Variants in EVA1C observed in about 807,000 individuals in gnomAD.
EVA1C encodes eva-1 homolog C, also known as protein eva-1 homolog C.
Under a neutral mutation model 45.4 loss-of-function variants are expected in EVA1C, and 25 were observed. That is an observed-to-expected ratio of 0.55 (90% CI 0.40 to 0.77). The LOEUF is 0.77. EVA1C is among the 30% of genes least tolerant of loss of function. The pLI, the probability that EVA1C is intolerant of heterozygous loss-of-function variation, is 0.00. For missense variants in EVA1C, 479 were observed against 554.8 expected (o/e 0.86, Z 1.37); for synonymous variants, 190 against 221.2 (o/e 0.86, Z 1.25).
chr21:32,492,495 G>A (rs2833851), intron 4 of EVA1C, among the ~76,000 whole-genome samples: 67,275 of 151,630 alleles, frequency 0.44, 15,560 homozygotes, highest in East Asian at 0.55. Context: ...TTAGAGGGTA[G>A]AGGAGTTTGT....
chr21:32,502,685 GA>G (rs1291900238), intron 6 of EVA1C, among the ~76,000 whole-genome samples: 1 of 152,198 alleles, frequency 6.6e-6, no homozygotes, highest in Non-Finnish European at 1.5e-5. Flanking sequence ...AAAGCTCAAA[GA>G]AAACTATTGG....
intron 7 of EVA1C, among the ~76,000 whole-genome samples, chr21:32,511,419 C>CAAAAAAA (rs749141703): frequency 1.1e-4 from 5 of 47,538 alleles, no homozygotes; most frequent in Admixed American, 2.9e-4. Flanking sequence ...AACTCCGTCT[C>CAAAAAAA]AAAAAAAAAA....
chr21:32,412,929 G>C lies in EVA1C; in HGVS notation c.76G>C (p.Glu26Gln). The C allele has an allele frequency of 1.3e-6, 2 of 1,531,924 alleles. No homozygotes were observed. The highest frequency in any genetic ancestry group is 1.8e-6 in the Non-Finnish European group (2 of 1,141,582). 94.9% of individuals were successfully genotyped at this position (1,531,924 alleles called of 1,614,324 possible). ...GCATCCCGGCCTCCGCCGGCAGGTA[G>C]AGCCGCCGGGGCAGCTCCTGCGCCT... ...VQHPGLRRQV[E>Q]PPGQLLRLFY... Residue 26 changes from glutamate to glutamine, a missense_variant, in exon 1 of 8, where the codon GAG becomes CAG. This residue lies in a region of EVA1C where 80 missense variants were observed against 63.8 expected (regional missense o/e 1.25). Transcript: ENST00000300255.
chr21:32,452,167 G>T lies in EVA1C; in HGVS notation c.161-1145G>T, dbSNP rs1442847309. 1.3e-5 allele frequency: 2 copies of T among 152,254 alleles called. No homozygotes were observed. Among genetic ancestry groups the T allele is most frequent in the Non-Finnish European group, 2.9e-5 (2 of 68,064 alleles). 9.4% of individuals were successfully genotyped at this position (152,254 alleles called of 1,614,324 possible). On this transcript the variant is annotated intron_variant, in intron 1 of 7. Coordinates refer to ENST00000300255, the MANE Select transcript of EVA1C (RefSeq NM_058187.5). The surrounding 1 kb of genome is among the most constrained non-coding windows in gnomAD (Gnocchi z 4.0). ...AGGATGGGCATCCACACATCCAGGG[G>T]ACACTCACCCCGATTTTTTTCCTGG... is the stretch of plus-strand genomic sequence containing the variant.
chr21:32,447,894 G>A (rs71323325), intron 1 of EVA1C, among the ~76,000 whole-genome samples: 4,904 of 152,114 alleles, frequency 0.032, 105 homozygotes, highest in Non-Finnish European at 0.046. Flanking sequence ...TAGCAGAGAC[G>A]GGGTTTTTCC....
chr21:32,500,347 C>T (rs1158050025), intron 5 of EVA1C, among the ~76,000 whole-genome samples: 2 of 151,858 alleles, frequency 1.3e-5, no homozygotes, highest in Non-Finnish European at 2.9e-5. Context: ...GATGGGGTTT[C>T]GCCATGTTGG....
chr21:32,515,326 T>C lies in EVA1C; in HGVS notation c.*136T>C, dbSNP rs958311652. The C allele has an allele frequency of 4.1e-5, 37 of 905,166 alleles. No homozygotes were observed. In the African/African-American group the frequency reaches 5.6e-4, roughly 14 times the overall value. 56.1% of individuals were successfully genotyped at this position (905,166 alleles called of 1,614,324 possible). The stretch of plus-strand genomic sequence containing the variant: ...TTCAACACTCGTGAGGCCAGGAAGC[T>C]ATTAAAGGGATGTTTCAAGCTGTTT... On this transcript the variant is annotated 3_prime_UTR_variant, in exon 8 of 8. Coordinates refer to ENST00000300255, the MANE Select transcript of EVA1C (RefSeq NM_058187.5).
At position 32,492,965 on chromosome 21, in the gene EVA1C, A is replaced by ATGTG. The variant is rs139336360; in HGVS notation, c.635-2049_635-2046dup. Among the ~76,000 whole-genome samples the ATGTG allele has an allele frequency of 4.0e-5, 6 of 150,940 alleles. No individual in the cohort carries two copies. In the East Asian group the frequency reaches 5.8e-4, roughly 15 times the overall value. On this transcript the variant is annotated intron_variant, in intron 4 of 7. Coordinates refer to ENST00000300255, the MANE Select transcript of EVA1C (RefSeq NM_058187.5). The stretch of plus-strand genomic sequence containing the variant: ...GTCTGCTGTCTCAGCCACAAAATTG[A>ATGTG]TGTGTGTGTGTGTGTGCATGCACAA...
chr21:32,439,765 T>A (rs1489607224), intron 1 of EVA1C, among the ~76,000 whole-genome samples: 1 of 152,178 alleles, frequency 6.6e-6, no homozygotes, highest in South Asian at 2.1e-4. Context: ...ACAGTAAACC[T>A]GTCCTGCTCC....
In EVA1C at chr21:32,457,622, A is replaced by G. The variant is rs770142495; in HGVS notation, c.383A>G (p.Gln128Arg). Reference protein sequence around the residue: ...FQKVLDECQNQRACHLLVNSR... With the variant: ...FQKVLDECQNRRACHLLVNSR... ...AAGGTGCTGGACGAATGCCAGAACC[A>G]GCGGGCCTGCCACCTCCTGGTCAAT... Residue 128 changes from glutamine to arginine, a missense_variant, in exon 3 of 8, where the codon CAG becomes CGG. Around this residue, in one of 3 missense-constraint regions of EVA1C, gnomAD observed 366 missense variants for 426.1 expected, o/e 0.86. Coordinates refer to ENST00000300255, the MANE Select transcript of EVA1C (RefSeq NM_058187.5). 6.2e-7 allele frequency: 1 copy of G among 1,614,188 alleles called. No homozygotes were observed. The highest frequency in any genetic ancestry group is 2.2e-5 in the East Asian group (1 of 44,888).
chr21:32,459,966 A>G (rs973673341), intron 3 of EVA1C, among the ~76,000 whole-genome samples: 7 of 152,178 alleles, frequency 4.6e-5, no homozygotes, highest in African/African-American at 1.7e-4. Flanking sequence ...ATGTTTCATA[A>G]TAAGTTGAGA....
At position 32,452,755 on chromosome 21, in the gene EVA1C, G is replaced by C. The variant is rs1449276975; in HGVS notation, c.161-557G>C. ...AGTGGGAAGGTGGTCTTCCCCTAGA[G>C]TTGGGCTGCCCAGCAGCCAGACTCT... On this transcript the variant is annotated intron_variant, in intron 1 of 7. Coordinates refer to ENST00000300255, the MANE Select transcript of EVA1C (RefSeq NM_058187.5). The surrounding 1 kb of genome is among the most constrained non-coding windows in gnomAD (Gnocchi z 4.0). 6.6e-6 allele frequency: 1 copy of C among 152,486 alleles called. No homozygotes were observed. Among genetic ancestry groups the C allele is most frequent in the Admixed American group, 6.5e-5 (1 of 15,284 alleles). The allele number at this position is 152,486 out of a possible 1,614,324, so 9.4% of individuals were successfully genotyped here.
chr21:32,501,984 T>TTTTCTTTC lies in EVA1C; in HGVS notation c.859+552_859+559dup, dbSNP rs563785580. On this transcript the variant is annotated intron_variant, in intron 6 of 7. Transcript: ENST00000300255. ...CTCCCTCCCTCTCTCTCTCTCGCTC[T>TTTTCTTTC]TTTCTTTCTTTCTTTCTTTCTTTCT... 9.9e-4 allele frequency among the ~76,000 whole-genome samples: 119 copies of TTTTCTTTC among 120,548 alleles called. 1 individual carries two copies. Among genetic ancestry groups the TTTTCTTTC allele is most frequent in the Middle Eastern group, 4.0e-3 (1 of 250 alleles). 79.1% of individuals were successfully genotyped at this position (120,548 alleles called of 152,430 possible).
chr21:32,412,922 G>A lies in EVA1C; in HGVS notation c.69G>A (p.Arg23=). 6.5e-7 allele frequency: 1 copy of A among 1,526,886 alleles called. No individual in the cohort carries two copies. Among genetic ancestry groups the A allele is most frequent in the South Asian group, 1.2e-5 (1 of 81,882 alleles). 94.6% of individuals were successfully genotyped at this position (1,526,886 alleles called of 1,614,324 possible). A position where few individuals can be genotyped will look rare whatever the true frequency, so the allele number is the denominator to read the frequency against. The stretch of plus-strand genomic sequence containing the variant: ...CCGTGCAGCATCCCGGCCTCCGCCG[G>A]CAGGTAGAGCCGCCGGGGCAGCTCC... ...PQPVQHPGLR[R]QVEPPGQLLR... is the part of the protein sequence containing the mutation. Residue 23 remains arginine, a synonymous_variant, in exon 1 of 8, where the codon CGG becomes CGA. Coordinates refer to ENST00000300255, the MANE Select transcript of EVA1C (RefSeq NM_058187.5).
rs138346447 is a variant in EVA1C at position 32,435,626 on chromosome 21, C to T, written c.161-17686C>T. On this transcript the variant is annotated intron_variant, in intron 1 of 7. Transcript: ENST00000300255. ...CATGCCTAAATCCTCTATATGCCCA[C>T]GACCAACCCCTGCTGATTTTATGGC... is the stretch of plus-strand genomic sequence containing the variant. 6.4e-3 allele frequency among the ~76,000 whole-genome samples: 980 copies of T among 152,328 alleles called. 7 individuals are homozygous for T. The highest frequency in any genetic ancestry group is 0.01 in the Middle Eastern group (3 of 294).
At chr21:32,506,678 C>A (rs1239829127) in intron 7 of EVA1C, among the ~76,000 whole-genome samples, 2 of 152,090 alleles carry the variant, frequency 1.3e-5, no homozygotes, top group Non-Finnish European at 2.9e-5. Flanking sequence ...GGGAAGCATG[C>A]AGTGCATGCT....
In EVA1C at chr21:32,514,875, A is replaced by G. The variant is rs751938663; in HGVS notation, c.1011A>G (p.Thr337=). 2.5e-6 allele frequency: 4 copies of G among 1,612,582 alleles called. No individual in the cohort carries two copies. The highest frequency in any genetic ancestry group is 2.7e-5 in the African/African-American group (2 of 74,828). Reference sequence around the variant, plus strand: ...GTGTCTGCATCGGCCTGGCCCTCACACTGTGCGCCCTGGTCATCAGAGAGT... The same window carrying G: ...GTGTCTGCATCGGCCTGGCCCTCACGCTGTGCGCCCTGGTCATCAGAGAGT... ...VSSVCIGLAL[T]LCALVIRESC... is the part of the protein sequence containing the mutation. Residue 337 remains threonine, a synonymous_variant, in exon 8 of 8, where the codon ACA becomes ACG. Coordinates refer to ENST00000300255, the MANE Select transcript of EVA1C (RefSeq NM_058187.5).
intron 4 of EVA1C, among the ~76,000 whole-genome samples, chr21:32,485,858 G>A (rs191778902): frequency 2.6e-5 from 4 of 152,324 alleles, no homozygotes; most frequent in Non-Finnish European, 5.9e-5. Context: ...AACTGTTACA[G>A]CCACTCAGTG....
At chr21:32,472,451 C>T (rs1248198211) in intron 4 of EVA1C, among the ~76,000 whole-genome samples, 1 of 152,116 alleles carries the variant, frequency 6.6e-6, no homozygotes, top group African/African-American at 2.4e-5. Flanking sequence ...TGAGCCACTG[C>T]GCCCGGCTGA....
Sources: allele counts gnomAD v4.1 joint callset (sites outside exome capture counted in the v4.1 genomes callset), GRCh38; gene constraint gnomAD v4.1.1; regional missense constraint gnomAD v4.1.1; non-coding constraint Gnocchi (gnomAD v3.1); transcripts MANE v1.5; gene names NCBI Gene and HGNC (gene_info 2026-07-23, HGNC 2026-07-21).